Variants in SYT1 observed in about 807,000 individuals in gnomAD.
SYT1 encodes the protein synaptotagmin-1.
In SYT1, 8 loss-of-function variants were observed where a neutral mutation model predicts 44.8. The observed-to-expected ratio is 0.18, with a 90% confidence interval of 0.10 to 0.32. The LOEUF is 0.32. SYT1 is among the 10% of genes least tolerant of loss of function. The pLI is 1.00. For synonymous variants in SYT1, 154 were observed against 188.8 expected (o/e 0.82, Z 1.51); for missense variants, 286 against 509.3 (o/e 0.56, Z 4.22).
intron 1 of SYT1, among the ~76,000 whole-genome samples, chr12:78,967,720 G>T (rs1868281361): frequency 6.6e-6 from 1 of 152,090 alleles, no homozygotes; most frequent in East Asian, 1.9e-4. Flanking sequence ...AAAGAGACCA[G>T]CAGCAAAGAT....
chr12:79,055,519 G>T (rs1215658213), intron 3 of SYT1, among the ~76,000 whole-genome samples: 1 of 151,928 alleles, frequency 6.6e-6, no homozygotes. Context: ...CTACACCAGG[G>T]TTTTGCCTTG....
At chr12:79,429,190 A>G (rs1311901290) in intron 9 of SYT1, among the ~76,000 whole-genome samples, 2 of 152,046 alleles carry the variant, frequency 1.3e-5, no homozygotes, top group African/African-American at 4.8e-5. Flanking sequence ...ACTATATCAC[A>G]TATGTTAACA....
intron 1 of SYT1, among the ~76,000 whole-genome samples, chr12:78,975,688 T>G (rs894876146): frequency 1.1e-4 from 16 of 152,198 alleles, no homozygotes; most frequent in Non-Finnish European, 2.4e-4. Context: ...TGGTTTTTAA[T>G]CTTTGCTATT....
intron 4 of SYT1, among the ~76,000 whole-genome samples, chr12:79,278,346 C>A (rs1878851381): frequency 6.6e-6 from 1 of 151,952 alleles, no homozygotes; most frequent in African/African-American, 2.4e-5. Context: ...AACTAAAAAT[C>A]AATTTTAGGA....
chr12:79,340,588 A>G (rs1328323126), intron 8 of SYT1, among the ~76,000 whole-genome samples: 2 of 152,188 alleles, frequency 1.3e-5, no homozygotes, highest in African/African-American at 4.8e-5. Flanking sequence ...GGGGTTTTCT[A>G]AATATACAAT....
chr12:79,190,507 C>G (rs376745325), intron 3 of SYT1, among the ~76,000 whole-genome samples: 4 of 152,066 alleles, frequency 2.6e-5, no homozygotes, highest in African/African-American at 9.7e-5. Context: ...CCATAGCTGG[C>G]GAAAAGTATG....
chr12:79,042,096 T>G (rs879794617), intron 2 of SYT1, among the ~76,000 whole-genome samples: 293 of 150,608 alleles, frequency 1.9e-3, no homozygotes, highest in Non-Finnish European at 3.3e-3. Flanking sequence ...CTTTTTTGGT[T>G]GTGTCTCTGC....
intron 1 of SYT1, among the ~76,000 whole-genome samples, chr12:78,884,818 T>C (rs1267226230): frequency 6.6e-6 from 1 of 151,808 alleles, no homozygotes; most frequent in Non-Finnish European, 1.5e-5. Context: ...AGAAAAAATA[T>C]GGAATCTGTC....
intron 3 of SYT1, among the ~76,000 whole-genome samples, chr12:79,052,878 G>A (rs1365073503): frequency 2.6e-5 from 4 of 152,124 alleles, no homozygotes; most frequent in Admixed American, 6.6e-5. Flanking sequence ...AGAGGATGTG[G>A]AGAAATAGGA....
At chr12:78,955,760 A>G (rs1389600870) in intron 1 of SYT1, among the ~76,000 whole-genome samples, 1 of 148,592 alleles carries the variant, frequency 6.7e-6, no homozygotes, top group Non-Finnish European at 1.5e-5. Context: ...TTAACCTAAC[A>G]GTTTTCTGGG....
intron 9 of SYT1, among the ~76,000 whole-genome samples, chr12:79,399,197 G>T (rs764018658): frequency 1.6e-4 from 24 of 151,438 alleles, no homozygotes; most frequent in Non-Finnish European, 2.5e-4. Context: ...TCTTTTCCTT[G>T]TTCTTTTCAA....
chr12:79,257,855 C>T (rs1362209907), intron 4 of SYT1, among the ~76,000 whole-genome samples: 1 of 152,004 alleles, frequency 6.6e-6, no homozygotes, highest in Non-Finnish European at 1.5e-5. Context: ...TGTCCACATC[C>T]CCTTTGATAT....
Position 79,007,400 on chromosome 12 carries a change from G to A in SYT1, c.-84+29469G>A, listed in dbSNP as rs151111295. Among the ~76,000 whole-genome samples the A allele has an allele frequency of 1.0e-3, 152 of 152,144 alleles. No homozygotes were observed. The East Asian group carries it at 0.015, about 15-fold the overall frequency. ...CACATGGAAACTATTTTCCTAGAGG[G>A]TGAAAACATGCATGTTTTATGTGAT... On this transcript the variant is annotated intron_variant, in intron 2 of 10. Coordinates refer to ENST00000261205, the MANE Select transcript of SYT1 (RefSeq NM_005639.3).
chr12:79,302,399 T>C (rs1040333251), intron 8 of SYT1, among the ~76,000 whole-genome samples: 9 of 152,184 alleles, frequency 5.9e-5, no homozygotes, highest in Admixed American at 4.6e-4. Flanking sequence ...TAAGGTTTTA[T>C]TGCCAGAAAG....
At chr12:78,968,621 C>T (rs946377889) in intron 1 of SYT1, among the ~76,000 whole-genome samples, 1 of 152,126 alleles carries the variant, frequency 6.6e-6, no homozygotes, top group African/African-American at 2.4e-5. Flanking sequence ...CTAAAAGGAT[C>T]TCCACTGTAT....
At chr12:79,336,725 G>A (rs1039056025) in intron 8 of SYT1, among the ~76,000 whole-genome samples, 1 of 152,148 alleles carries the variant, frequency 6.6e-6, no homozygotes, top group Non-Finnish European at 1.5e-5. Flanking sequence ...TAACTTCTGG[G>A]CTCAAGCAAT....
chr12:79,428,624 G>A (rs1031687425), intron 9 of SYT1, among the ~76,000 whole-genome samples: 5 of 152,076 alleles, frequency 3.3e-5, no homozygotes, highest in African/African-American at 9.7e-5. Context: ...GGAGGGGGAC[G>A]GGACAGGGCC....
intron 1 of SYT1, among the ~76,000 whole-genome samples, chr12:78,955,747 C>A (rs1048720222): frequency 1.3e-5 from 2 of 149,416 alleles, no homozygotes; most frequent in African/African-American, 4.9e-5. Context: ...TTTTTTTTTG[C>A]CCTTAACCTA....
rs867220730 is a variant in SYT1 at position 79,001,108 on chromosome 12, G to T, written c.-84+23177G>T. On this transcript the variant is annotated intron_variant, in intron 2 of 10. Transcript: ENST00000261205. Reference sequence around the variant, plus strand: ...TATTCTAGTGTAAAAATTACAGCAAGGATAAGGGGCTCCAGGAGATTTCTA... The same window carrying T: ...TATTCTAGTGTAAAAATTACAGCAATGATAAGGGGCTCCAGGAGATTTCTA... 1.2e-4 allele frequency among the ~76,000 whole-genome samples: 19 copies of T among 152,158 alleles called. 1 individual carries two copies. Among genetic ancestry groups the T allele is most frequent in the African/African-American group, 4.3e-4 (18 of 41,522 alleles).
Sources: gnomAD v4.1 joint callset for allele counts (sites outside exome capture counted in the v4.1 genomes callset) on GRCh38, gnomAD v4.1.1 for gene constraint, MANE v1.5 for transcripts, NCBI Gene and HGNC (gene_info 2026-07-23, HGNC 2026-07-21) for gene names.